Variants in ADNP observed in about 807,000 individuals in gnomAD.
ADNP encodes the protein activity-dependent neuroprotector homeobox protein.
Under a neutral mutation model 84.9 loss-of-function variants are expected in ADNP, and 4 were observed. That is an observed-to-expected ratio of 0.05 (90% CI 0.02 to 0.11). The LOEUF is 0.11. Ranked by LOEUF, ADNP falls within the 10% of genes least tolerant of loss-of-function variation. ADNP has a pLI of 1.00. For missense variants in ADNP, 1,132 were observed against 1,326.0 expected (o/e 0.85, Z 2.27); for synonymous variants, 554 against 468.1 (o/e 1.18, Z -2.37).
chr20:50,908,931 TAAAAACTA>T (rs142922394), intron 2 of ADNP, among the ~76,000 whole-genome samples: 2,442 of 152,042 alleles, frequency 0.016, 34 homozygotes, highest in Non-Finnish European at 0.018. Context: ...CAAAGAGAGC[TAAAAACTA>T]AAATACAGGT....
intron 2 of ADNP, among the ~76,000 whole-genome samples, chr20:50,917,720 C>T (rs1983622488): frequency 6.6e-6 from 1 of 152,080 alleles, no homozygotes; most frequent in Admixed American, 6.6e-5. Context: ...GTTACATAAG[C>T]AATTGGGAAG....
rs778193621 is a variant in ADNP at position 50,893,852 on chromosome 20, C to A, written c.862G>T (p.Gly288Cys). Reference sequence around the variant, plus strand: ...CGGACATTTCCAGAAGCAAGGGAACCGATCCTTGGTGGGAGTCCCATGCTC... The same window carrying A: ...CGGACATTTCCAGAAGCAAGGGAACAGATCCTTGGTGGGAGTCCCATGCTC... ...KKSMGLPPRI[G>C]SLASGNVRSL... The change falls in exon 6 of 6, where the codon GGT becomes TGT. Residue 288 changes from glycine (G) to cysteine (C), a missense_variant. Transcript: ENST00000621696. This position sits in a 1 kb window ranked among gnomAD's most constrained non-coding sequence, Gnocchi z 4.4. The A allele has an allele frequency of 1.9e-6, 3 of 1,614,072 alleles. No homozygotes were observed. In the Admixed American group the frequency reaches 5.0e-5, roughly 27 times the overall value.
intron 2 of ADNP, chr20:50,909,704 C>A (rs550966475): frequency 6.6e-6 from 1 of 152,246 alleles, no homozygotes; most frequent in Non-Finnish European, 1.5e-5. Context: ...CTCTTGGAAA[C>A]GCCTCTGCCA....
chr20:50,904,008 GA>G lies in ADNP; in HGVS notation c.-5-8del, dbSNP rs755421579. On this transcript the variant is annotated splice_polypyrimidine_tract_variant and splice_region_variant and intron_variant, in intron 3 of 5. Coordinates refer to ENST00000621696, the MANE Select transcript of ADNP (RefSeq NM_001282531.3). ...GGAAGTTGGAACATAGTTTCTATTGGAAAAAAAAATTTAAGTCAAAGTCAAA... is the reference window on the plus strand; with the variant it reads ...GGAAGTTGGAACATAGTTTCTATTGGAAAAAAAATTTAAGTCAAAGTCAAA... The G allele has an allele frequency of 3.2e-5, 51 of 1,595,524 alleles. No homozygotes were observed. Among genetic ancestry groups the G allele is most frequent in the Middle Eastern group, 3.5e-4 (2 of 5,718 alleles).
intron 2 of ADNP, among the ~76,000 whole-genome samples, chr20:50,908,509 T>C (rs1982713519): frequency 2.0e-5 from 3 of 152,152 alleles, no homozygotes; most frequent in Admixed American, 2.0e-4. Context: ...GCGCGGTGGC[T>C]CATGCCTGTA....
At chr20:50,894,602 C>T in intron 5 of ADNP, 90 bp from the exon 6 acceptor site, 1 of 1,423,552 alleles carries the variant, frequency 7.0e-7, no homozygotes, top group South Asian at 1.4e-5. Flanking sequence ...CTTAATAATG[C>T]ATTGATTTTA....
chr20:50,929,301 G>C (rs1192325918), intron 1 of ADNP, among the ~76,000 whole-genome samples: 1 of 152,200 alleles, frequency 6.6e-6, no homozygotes, highest in Non-Finnish European at 1.5e-5. Context: ...AAGGTGATTC[G>C]TCAAGAACAA....
intron 2 of ADNP, among the ~76,000 whole-genome samples, chr20:50,910,706 G>A (rs1258494530): frequency 6.6e-6 from 1 of 152,132 alleles, no homozygotes; most frequent in African/African-American, 2.4e-5. Flanking sequence ...CCAGGCTGGA[G>A]TGCAGTGGTA....
intron 2 of ADNP, among the ~76,000 whole-genome samples, chr20:50,912,241 G>C (rs1297095554): frequency 6.6e-6 from 1 of 152,114 alleles, no homozygotes; most frequent in Non-Finnish European, 1.5e-5. Flanking sequence ...CTGCCTCCCA[G>C]GTTCCAGCGA....
In ADNP at chr20:50,902,047, T is replaced by C; in HGVS notation, c.171A>G (p.Gly57=). 2 of 1,614,002 alleles carry C rather than the reference T, an allele frequency of 1.2e-6. No homozygotes were observed. The highest frequency in any genetic ancestry group is 1.7e-6 in the Non-Finnish European group (2 of 1,179,856). The change falls in exon 5 of 6, where the codon GGA becomes GGG. Residue 57 remains glycine (G), a synonymous_variant. Coordinates refer to ENST00000621696, the MANE Select transcript of ADNP (RefSeq NM_001282531.3). ...YLKNTTWEDV[G]LWDPSLTKNQ... is the part of the protein sequence containing the mutation. ...TTTTCGTAAGTGATGGGTCCCACAG[T>C]CCTACATCCTCCCATGTAGTGTTTT...
rs1235016637 is a variant in ADNP at position 50,892,005 on chromosome 20, G to T, written c.2709C>A (p.Ile903=). 1.2e-6 allele frequency: 2 copies of T among 1,614,144 alleles called. No homozygotes were observed. Among genetic ancestry groups the T allele is most frequent in the Non-Finnish European group, 1.7e-6 (2 of 1,180,026 alleles). ...FDPVFEVEPK[I]SNDNPEEHVL... is the part of the protein sequence containing the mutation. Reference sequence around the variant, plus strand: ...CATGTTCCTCTGGGTTATCGTTAGAGATTTTAGGTTCAACTTCAAAAACAG... The same window carrying T: ...CATGTTCCTCTGGGTTATCGTTAGATATTTTAGGTTCAACTTCAAAAACAG... Residue 903 remains isoleucine (I), a synonymous_variant, in exon 6 of 6, where the codon ATC becomes ATA. Coordinates refer to ENST00000621696, the MANE Select transcript of ADNP (RefSeq NM_001282531.3).
At chr20:50,919,329 G>C (rs2122962639) in intron 2 of ADNP, among the ~76,000 whole-genome samples, 1 of 136,968 alleles carries the variant, frequency 7.3e-6, no homozygotes, top group East Asian at 2.2e-4. Flanking sequence ...AAAAAGCCAG[G>C]TGTGATGGTG....
intron 2 of ADNP, among the ~76,000 whole-genome samples, chr20:50,907,283 G>A (rs1292945586): frequency 9.4e-6 from 1 of 106,296 alleles, no homozygotes; most frequent in Non-Finnish European, 1.9e-5. Flanking sequence ...TTTTTTTTTT[G>A]AGACGGAGTT....
At chr20:50,915,017 G>GT (rs1402313877) in intron 2 of ADNP, among the ~76,000 whole-genome samples, 2 of 151,868 alleles carry the variant, frequency 1.3e-5, no homozygotes, top group African/African-American at 4.8e-5. Context: ...AAAACGTATG[G>GT]TTTTTTAAAA....
chr20:50,892,407 G>A lies in ADNP; in HGVS notation c.2307C>T (p.Ser769=). The A allele has an allele frequency of 6.2e-7, 1 of 1,614,178 alleles. No individual in the cohort carries two copies. Among genetic ancestry groups the A allele is most frequent in the Non-Finnish European group, 8.5e-7 (1 of 1,180,042 alleles). Residue 769 remains serine (S), a synonymous_variant, in exon 6 of 6, where the codon AGC becomes AGT. Transcript: ENST00000621696. ...GTTTGTTGAAATACTTTGTTAGAAA[G>A]CTTTTCCTGGCTTCATAGGAATCAT... The part of the protein sequence containing the change: ...HEDDSYEARK[S]FLTKYFNKQP...
chr20:50,931,259 G>T lies in ADNP; in HGVS notation c.-698C>A, dbSNP rs1409578373. Reference sequence around the variant, plus strand: ...ACAAGATGGCGGCGGCCGGGGGGGGGGGGGCGGGAGTTCAGCTCATGGATC... The same window carrying T: ...ACAAGATGGCGGCGGCCGGGGGGGGTGGGGCGGGAGTTCAGCTCATGGATC... On this transcript the variant is annotated 5_prime_UTR_variant, in exon 1 of 6. Transcript: ENST00000621696. 3 of 104,028 alleles carry T rather than the reference G, an allele frequency of 2.9e-5. No individual in the cohort carries two copies. Among genetic ancestry groups the T allele is most frequent in the East Asian group, 3.8e-4 (1 of 2,660 alleles). The allele number at this position is 104,028 out of a possible 1,614,324, so 6.4% of individuals were successfully genotyped here. A position where few individuals can be genotyped will look rare whatever the true frequency, so the allele number is the denominator to read the frequency against.
chr20:50,902,740 A>G (rs932511561), intron 4 of ADNP, among the ~76,000 whole-genome samples: 1 of 152,216 alleles, frequency 6.6e-6, no homozygotes, highest in Non-Finnish European at 1.5e-5. Flanking sequence ...TCAAGGTGGA[A>G]AATGAAGTCT....
rs1232789006 is a variant in ADNP, at chr20:50,894,317, C to T, written c.397G>A (p.Ala133Thr). Residue 133 changes from alanine to threonine, a missense_variant, in exon 6 of 6, where the codon GCC (alanine) becomes ACC (threonine). Transcript: ENST00000621696. ...CTGAGGCTGCTACTTGGTGCGCTGG[C>T]GTTCGGAGCATGAAATATTTTAATG... Reference protein sequence around the residue: ...THIKIFHAPNASAPSSSLSTF... With the variant: ...THIKIFHAPNTSAPSSSLSTF... 1.9e-6 allele frequency: 3 copies of T among 1,613,656 alleles called. No homozygotes were observed. Among genetic ancestry groups the T allele is most frequent in the Non-Finnish European group, 2.5e-6 (3 of 1,179,918 alleles).
At chr20:50,914,614 A>G (rs913767021) in intron 2 of ADNP, among the ~76,000 whole-genome samples, 3 of 152,170 alleles carry the variant, frequency 2.0e-5, no homozygotes, top group African/African-American at 7.2e-5. Context: ...CTGTTGTCAC[A>G]TATTCTTGTA....
Sources: allele counts gnomAD v4.1 joint callset (sites outside exome capture counted in the v4.1 genomes callset), GRCh38; gene constraint gnomAD v4.1.1; non-coding constraint Gnocchi (gnomAD v3.1); transcripts MANE v1.5; gene names NCBI Gene and HGNC (gene_info 2026-07-23, HGNC 2026-07-21).